Variants in ANKRD17 observed in about 807,000 individuals in gnomAD.
ANKRD17 encodes the protein ankyrin repeat domain-containing protein 17.
A neutral mutation model predicts 229.7 loss-of-function variants in ANKRD17; 19 were observed. The ratio of observed to expected loss-of-function variants is 0.08; its 90% confidence interval spans 0.06 to 0.12. ANKRD17 has a LOEUF of 0.12. Among genes scored for constraint, ANKRD17 ranks in the 10% least tolerant of loss-of-function variants. The pLI, the probability that ANKRD17 is intolerant of heterozygous loss-of-function variation, is 1.00. For missense variants in ANKRD17, 2,176 were observed against 3,176.8 expected, an observed-to-expected ratio of 0.68 and a Z score of 7.57; for synonymous variants, 1,112 against 1,146.1, an observed-to-expected ratio of 0.97 and a Z score of 0.60.
At chr4:73,195,535 A>T (rs1737737443) in intron 1 of ANKRD17, among the ~76,000 whole-genome samples, 1 of 151,964 alleles carries the variant, frequency 6.6e-6, no homozygotes, top group Middle Eastern at 3.4e-3. Flanking sequence ...TTTGAGACAG[A>T]GTCTCACTCT....
chr4:73,154,383 T>G (rs1731372200), intron 5 of ANKRD17, among the ~76,000 whole-genome samples: 1 of 151,906 alleles, frequency 6.6e-6, no homozygotes, highest in Non-Finnish European at 1.5e-5. Flanking sequence ...GACTGGGGAG[T>G]TGTAAAAGAA....
intron 29 of ANKRD17, among the ~76,000 whole-genome samples, chr4:73,086,919 A>AAAAAAAATATATAT (rs1553911000): frequency 3.2e-4 from 4 of 12,458 alleles, no homozygotes; most frequent in Non-Finnish European, 5.3e-4. Flanking sequence ...AAAAAAAAAA[A>AAAAAAAATATATAT]ATATATATAT....
At chr4:73,129,424 T>C (rs1448251695) in intron 16 of ANKRD17, among the ~76,000 whole-genome samples, 1 of 152,122 alleles carries the variant, frequency 6.6e-6, no homozygotes, top group Non-Finnish European at 1.5e-5. Context: ...CTGTGTGAAG[T>C]GTCTTTAAAA....
chr4:73,243,387 G>C (rs1744216723), intron 1 of ANKRD17, among the ~76,000 whole-genome samples: 1 of 152,146 alleles, frequency 6.6e-6, no homozygotes, highest in Admixed American at 6.5e-5. Context: ...AAATAGCCAG[G>C]GTTAAGGCGA....
chr4:73,077,538 G>T lies in ANKRD17; in HGVS notation c.7409-5C>A. 1 of 1,546,386 alleles carries T rather than the reference G, an allele frequency of 6.5e-7. No homozygotes were observed. The highest frequency in any genetic ancestry group is 1.2e-5 in the South Asian group (1 of 80,592). ...GGTTACACCAGTCTACTTTGTCTGA[G>T]GGCAAACAAAGAGGCAAAACAAAAA... On this transcript the variant is annotated splice_polypyrimidine_tract_variant and splice_region_variant and intron_variant, in intron 31 of 33. Transcript: ENST00000358602.
At chr4:73,137,845 TA>T (rs1183848834) in intron 15 of ANKRD17, among the ~76,000 whole-genome samples, 1 of 152,218 alleles carries the variant, frequency 6.6e-6, no homozygotes, top group African/African-American at 2.4e-5. Flanking sequence ...TTGTTTCATG[TA>T]TGAATCAAAA....
intron 16 of ANKRD17, among the ~76,000 whole-genome samples, chr4:73,134,108 G>A (rs1728595948): frequency 1.3e-5 from 2 of 151,766 alleles, no homozygotes; most frequent in African/African-American, 2.4e-5. Context: ...TGGCCAACAA[G>A]TAAGAGCAGA....
At chr4:73,077,939 G>C (rs902071949) in intron 31 of ANKRD17, among the ~76,000 whole-genome samples, 1 of 152,156 alleles carries the variant, frequency 6.6e-6, no homozygotes, top group African/African-American at 2.4e-5. Flanking sequence ...AAAAAAATAG[G>C]AATACAGATC....
At chr4:73,076,322 A>T (rs1720997192) in intron 33 of ANKRD17, 32 bp from the exon 34 acceptor site, 1 of 1,514,768 alleles carries the variant, frequency 6.6e-7, no homozygotes, top group Non-Finnish European at 8.9e-7. Context: ...TTTACAAAAT[A>T]TATATCTAGC....
rs558211086 is a variant in ANKRD17, at chr4:73,145,670, CA to C, written c.1870-839del. On this transcript the variant is annotated intron_variant, in intron 10 of 33. Transcript: ENST00000358602. ...GCTGTATGTTTCAGAGCCATTGTGG[CA>C]AACACTAGGAATACAGTTCTTACAC... Among the ~76,000 whole-genome samples, 250 of 152,138 alleles carry C rather than the reference CA, an allele frequency of 1.6e-3. 7 individuals carry two copies. The highest frequency in any genetic ancestry group is 0.014 in the Admixed American group (215 of 15,268).
intron 6 of ANKRD17, among the ~76,000 whole-genome samples, chr4:73,152,797 G>GATC (rs1273788757): frequency 6.6e-6 from 1 of 152,114 alleles, no homozygotes; most frequent in Non-Finnish European, 1.5e-5. Flanking sequence ...TCCCAGTGAA[G>GATC]ATCAGCCTCT....
rs769215930 is a variant in ANKRD17 at position 73,149,070 on chromosome 4, A to C, written c.1330-20T>G. The C allele has an allele frequency of 2.1e-5, 33 of 1,595,786 alleles. No individual in the cohort carries two copies. The highest frequency in any genetic ancestry group is 1.7e-4 in the Middle Eastern group (1 of 6,030). ...GCCATCCTAATGATAATACAATTTA[A>C]AAAATTAAATCAGCACCATTAAAAA... On this transcript the variant is annotated intron_variant, in intron 7 of 33. Transcript: ENST00000358602.
chr4:73,121,882 G>A, intron 18 of ANKRD17, 123 bp from the exon 19 acceptor site: 1 of 992,750 alleles, frequency 1.0e-6, no homozygotes. Context: ...CTTCCTTCAT[G>A]CTCTGCATAA....
intron 24 of ANKRD17, among the ~76,000 whole-genome samples, chr4:73,104,331 G>C (rs1724358896): frequency 6.6e-6 from 1 of 152,152 alleles, no homozygotes; most frequent in South Asian, 2.1e-4. Context: ...GAGCATGTGT[G>C]ACTCAGCTCA....
intron 1 of ANKRD17, among the ~76,000 whole-genome samples, chr4:73,245,188 T>G (rs542511127): frequency 4.2e-4 from 63 of 150,612 alleles, no homozygotes; most frequent in African/African-American, 1.4e-3. Flanking sequence ...AAAGATCAAG[T>G]TAAGAGTGTT....
At chr4:73,222,943 A>G in intron 1 of ANKRD17, 1 of 1,474,802 alleles carries the variant, frequency 6.8e-7, no homozygotes, top group South Asian at 1.2e-5. Context: ...TCAGATTTCA[A>G]CTTTCATTTC....
chr4:73,114,031 G>A, intron 23 of ANKRD17, 123 bp from the exon 24 acceptor site: 3 of 609,344 alleles, frequency 4.9e-6, no homozygotes, highest in Non-Finnish European at 8.6e-6. Flanking sequence ...CATGAAAGGG[G>A]GAAAAAAGGT....
In ANKRD17 at chr4:73,076,160, A is replaced by AT. The variant is rs370914232; in HGVS notation, c.*70dup. ...ATCAGTAGAATGATTTGGGAGCATA[A>AT]TTTTTTTTTTCGGCCACTTGTGATT... On this transcript the variant is annotated 3_prime_UTR_variant, in exon 34 of 34. Transcript: ENST00000358602. 7.3e-3 allele frequency: 9,370 copies of AT among 1,281,198 alleles called. 2 individuals are homozygous for AT. Among genetic ancestry groups the AT allele is most frequent in the South Asian group, 9.7e-3 (672 of 69,142 alleles). The allele number at this position is 1,281,198 out of a possible 1,614,324, so 79.4% of individuals were successfully genotyped here. A position where few individuals can be genotyped will look rare whatever the true frequency, so the allele number is the denominator to read the frequency against.
At chr4:73,223,004 C>T (rs770949556) in intron 1 of ANKRD17, 5 of 1,536,132 alleles carry the variant, frequency 3.3e-6, no homozygotes, top group South Asian at 2.4e-5. Flanking sequence ...CATATGCTTC[C>T]ATTTCAGCCG....
Sources: allele counts gnomAD v4.1 joint callset (sites outside exome capture counted in the v4.1 genomes callset), GRCh38; gene constraint gnomAD v4.1.1; transcripts MANE v1.5; gene names NCBI Gene and HGNC (gene_info 2026-07-23, HGNC 2026-07-21).